The following SLC35F3 variants were observed in gnomAD, a reference collection of about 807,000 sequenced individuals.
The protein encoded by SLC35F3 is putative thiamine transporter SLC35F3.
In SLC35F3, 25 loss-of-function variants were observed where a neutral mutation model predicts 49.9. The observed-to-expected ratio is 0.50, with a 90% CI of 0.37 to 0.70. The LOEUF (loss-of-function observed/expected upper bound fraction) is 0.70, where lower values mean the gene tolerates loss of function less well. Ranked by LOEUF, SLC35F3 falls within the 30% of genes least tolerant of loss-of-function variation. The pLI is 0.00. For synonymous variants in SLC35F3, 275 were observed against 265.4 expected, an observed-to-expected ratio of 1.04 and a Z score of -0.35; for missense variants, 525 against 639.8, an observed-to-expected ratio of 0.82 and a Z score of 1.94.
chr1:234,266,167 A>G (rs939571757), intron 3 of SLC35F3, among the ~76,000 whole-genome samples: 1 of 152,106 alleles, frequency 6.6e-6, no homozygotes, highest in African/African-American at 2.4e-5. Context: ...GTATCCCACA[A>G]CCTAGAGTAG....
chr1:234,065,480 G>A (rs12068498), intron 2 of SLC35F3, among the ~76,000 whole-genome samples: 35 of 152,226 alleles, frequency 2.3e-4, no homozygotes, highest in African/African-American at 8.2e-4. Flanking sequence ...ATTGGCTTCT[G>A]GTTTGACATT....
At chr1:234,256,505 T>C (rs558651737) in intron 3 of SLC35F3, among the ~76,000 whole-genome samples, 8 of 152,316 alleles carry the variant, frequency 5.3e-5, no homozygotes, top group Non-Finnish European at 8.8e-5. Flanking sequence ...TTCAAAAGAC[T>C]TCATCAGTGA....
chr1:234,161,279 A>G (rs1666223368), intron 2 of SLC35F3, among the ~76,000 whole-genome samples: 1 of 152,240 alleles, frequency 6.6e-6, no homozygotes, highest in Non-Finnish European at 1.5e-5. Context: ...GATGGAGGAA[A>G]GAAGCATAGA....
intron 2 of SLC35F3, among the ~76,000 whole-genome samples, chr1:234,012,084 G>T (rs1176550586): frequency 1.3e-5 from 2 of 152,184 alleles, no homozygotes; most frequent in Non-Finnish European, 2.9e-5. Flanking sequence ...GTGAGCAAAA[G>T]AATCTGTGTC....
chr1:234,068,119 T>C (rs978345108), intron 2 of SLC35F3, among the ~76,000 whole-genome samples: 1 of 152,072 alleles, frequency 6.6e-6, no homozygotes, highest in Admixed American at 6.6e-5. Context: ...ACTTATGAGA[T>C]TGGAAGGGAG....
intron 2 of SLC35F3, among the ~76,000 whole-genome samples, chr1:234,151,799 G>A (rs542941769): frequency 6.6e-6 from 1 of 152,036 alleles, no homozygotes; most frequent in Non-Finnish European, 1.5e-5. Context: ...TTCCTTACAG[G>A]ATTAAAAACC....
chr1:234,169,749 G>T (rs1249256625), intron 2 of SLC35F3, among the ~76,000 whole-genome samples: 1 of 151,888 alleles, frequency 6.6e-6, no homozygotes. Flanking sequence ...ATTCTTCCCA[G>T]GGGAACATCT....
At chr1:234,055,396 C>A (rs552286850) in intron 2 of SLC35F3, among the ~76,000 whole-genome samples, 6 of 152,262 alleles carry the variant, frequency 3.9e-5, no homozygotes, top group African/African-American at 1.4e-4. Flanking sequence ...CCTTGCAGTT[C>A]GATTTCAGAC....
intron 3 of SLC35F3, among the ~76,000 whole-genome samples, chr1:234,278,162 C>T (rs1468527418): frequency 6.6e-6 from 1 of 151,782 alleles, no homozygotes; most frequent in Non-Finnish European, 1.5e-5. Context: ...CACTGCACTC[C>T]AGTCTGGGCA....
chr1:234,144,096 C>A (rs891619834), intron 2 of SLC35F3, among the ~76,000 whole-genome samples: 1 of 151,708 alleles, frequency 6.6e-6, no homozygotes, highest in Non-Finnish European at 1.5e-5. Context: ...AAAAGTGAGA[C>A]GGGGTGTAGC....
At chr1:234,161,406 C>T (rs1666225448) in intron 2 of SLC35F3, among the ~76,000 whole-genome samples, 2 of 152,172 alleles carry the variant, frequency 1.3e-5, no homozygotes, top group Non-Finnish European at 2.9e-5. Context: ...CTACACTATG[C>T]TGCTTCCCAT....
At chr1:233,908,023 G>A (rs1341618907) in intron 2 of SLC35F3, among the ~76,000 whole-genome samples, 1 of 152,178 alleles carries the variant, frequency 6.6e-6, no homozygotes. Context: ...ACCACGCCCG[G>A]CCCAGAAGAG....
In SLC35F3 at chr1:234,289,380, G is replaced by A. The variant is rs116968264; in HGVS notation, c.609-19721G>A. On this transcript the variant is annotated intron_variant, in intron 3 of 7. Transcript: ENST00000366618. The stretch of plus-strand genomic sequence containing the variant: ...GAAATGAAGAACCAAACTTCCCACC[G>A]GGCTACTAGAATTAACTACATATCC... Among the ~76,000 whole-genome samples, 298 of 152,252 alleles carry A rather than the reference G, an allele frequency of 2.0e-3. 5 individuals carry two copies. In the East Asian group the frequency reaches 0.033, roughly 17 times the overall value.
intron 3 of SLC35F3, among the ~76,000 whole-genome samples, chr1:234,290,624 C>A (rs922381688): frequency 2.5e-4 from 38 of 152,188 alleles, no homozygotes; most frequent in African/African-American, 8.9e-4. Context: ...ATTTCCGTCC[C>A]CCACCCTGGA....
chr1:234,308,575 CT>C (rs1040321847), intron 3 of SLC35F3, among the ~76,000 whole-genome samples: 3 of 152,094 alleles, frequency 2.0e-5, no homozygotes, highest in Non-Finnish European at 2.9e-5. Flanking sequence ...GACACCCTGT[CT>C]TCCCCAGAGT....
chr1:234,319,809 A>G (rs1251882566), intron 6 of SLC35F3, among the ~76,000 whole-genome samples: 1 of 152,238 alleles, frequency 6.6e-6, no homozygotes, highest in Non-Finnish European at 1.5e-5. Context: ...AGAGAAAAGC[A>G]AAATTGGTAA....
chr1:234,145,742 A>C (rs1175377565), intron 2 of SLC35F3, among the ~76,000 whole-genome samples: 2 of 152,176 alleles, frequency 1.3e-5, no homozygotes, highest in Non-Finnish European at 2.9e-5. Flanking sequence ...CAAATACTAC[A>C]CCATTTTATA....
chr1:233,909,789 C>T (rs1028691957), intron 2 of SLC35F3, among the ~76,000 whole-genome samples: 7 of 152,216 alleles, frequency 4.6e-5, no homozygotes, highest in African/African-American at 1.4e-4. Flanking sequence ...GTTGTAGCAA[C>T]TCAGTATCCC....
intron 3 of SLC35F3, among the ~76,000 whole-genome samples, chr1:234,288,254 C>A (rs558168279): frequency 2.6e-5 from 4 of 152,120 alleles, no homozygotes; most frequent in African/African-American, 9.7e-5. Flanking sequence ...AGACCCTCCC[C>A]GCCGCCACTT....
Sources: allele counts gnomAD v4.1 joint callset (sites outside exome capture counted in the v4.1 genomes callset), GRCh38; gene constraint gnomAD v4.1.1; transcripts MANE v1.5; gene names NCBI Gene and HGNC (gene_info 2026-07-23, HGNC 2026-07-21).